Variants in ARHGAP32 observed in about 807,000 individuals in gnomAD.
The protein encoded by ARHGAP32 is Rho GTPase activating protein 32.
Under a neutral mutation model 186.5 loss-of-function variants are expected in ARHGAP32, and 51 were observed. That is an observed-to-expected ratio of 0.27 (90% confidence interval 0.22 to 0.35). The LOEUF is 0.35. Among genes scored for constraint, ARHGAP32 ranks in the 10% least tolerant of loss-of-function variants. ARHGAP32 has a pLI of 1.00. For synonymous variants in ARHGAP32, 950 were observed against 964.3 expected (o/e 0.99, Z 0.27); for missense variants, 2,186 against 2,623.5 (o/e 0.83, Z 3.64).
chr11:129,114,908 T>C (rs1942321949), intron 5 of ARHGAP32, among the ~76,000 whole-genome samples: 1 of 152,156 alleles, frequency 6.6e-6, no homozygotes, highest in Non-Finnish European at 1.5e-5. Context: ...GAAAAGTTCT[T>C]TCTCCATATG....
At chr11:129,018,730 A>G (rs1044547697) in intron 11 of ARHGAP32, among the ~76,000 whole-genome samples, 9 of 152,194 alleles carry the variant, frequency 5.9e-5, no homozygotes, top group Admixed American at 5.2e-4. Context: ...GTGATTCACT[A>G]GAGTAATAAC....
chr11:129,076,445 C>G (rs369590866), intron 6 of ARHGAP32, among the ~76,000 whole-genome samples: 1 of 151,932 alleles, frequency 6.6e-6, no homozygotes, highest in Non-Finnish European at 1.5e-5. Context: ...AGTAATGAGA[C>G]CACAAGGAAT....
intron 1 of ARHGAP32, among the ~76,000 whole-genome samples, chr11:129,213,874 C>T (rs529104324): frequency 4.0e-5 from 6 of 151,750 alleles, no homozygotes; most frequent in Middle Eastern, 3.4e-3. Flanking sequence ...TTTTGTAGGG[C>T]GAAAAGTCAG....
chr11:128,975,133 A>C (rs1945506541), intron 20 of ARHGAP32, 131 bp from the exon 21 acceptor site: 1 of 763,330 alleles, frequency 1.3e-6, no homozygotes, highest in East Asian at 2.7e-5. Context: ...TTTCTTTCTG[A>C]AAATTCTTTC....
chr11:129,259,488 T>C (rs907159091), intron 1 of ARHGAP32, among the ~76,000 whole-genome samples: 1 of 152,050 alleles, frequency 6.6e-6, no homozygotes, highest in African/African-American at 2.4e-5. Context: ...AAAATACTTT[T>C]CCTGTACATT....
At chr11:129,058,266 C>A (rs1940346028) in intron 10 of ARHGAP32, among the ~76,000 whole-genome samples, 1 of 149,788 alleles carries the variant, frequency 6.7e-6, no homozygotes, top group Non-Finnish European at 1.5e-5. Context: ...CATATACAAT[C>A]ATATATATGT....
intron 1 of ARHGAP32, among the ~76,000 whole-genome samples, chr11:129,267,838 G>C (rs1216850595): frequency 2.0e-5 from 3 of 152,176 alleles, no homozygotes; most frequent in African/African-American, 7.2e-5. Context: ...AGGCAAAGGG[G>C]AGCCAGCATG....
rs751801808 is a variant in ARHGAP32, at chr11:128,974,530, A to T, written c.2667T>A (p.Asp889Glu). Residue 889 changes from aspartate to glutamate, a missense_variant, in exon 21 of 23, where the codon GAT becomes GAA. Asp to Glu is a conservative substitution (Grantham distance 45, BLOSUM62 2). Coordinates refer to ENST00000682385, the MANE Select transcript of ARHGAP32 (RefSeq NM_001378024.1). ...FFTLDLSPTE[D>E]KSSKPSSFTE... ...TAAAGGAGGATGGCTTAGATGATTT[A>T]TCTTCAGTTGGGCTCAAGTCCAGGG... is the stretch of plus-strand genomic sequence containing the variant. 1 of 1,614,192 alleles carries T rather than the reference A, an allele frequency of 6.2e-7. No homozygotes were observed. Among genetic ancestry groups the T allele is most frequent in the Non-Finnish European group, 8.5e-7 (1 of 1,180,014 alleles).
intron 5 of ARHGAP32, among the ~76,000 whole-genome samples, chr11:129,121,460 A>G (rs1307213667): frequency 6.6e-6 from 1 of 152,074 alleles, no homozygotes; most frequent in East Asian, 1.9e-4. Context: ...GAGGCAGGAC[A>G]AAACTGGGCA....
At chr11:129,128,622 A>G (rs1591637279) in intron 2 of ARHGAP32, among the ~76,000 whole-genome samples, 1 of 97,234 alleles carries the variant, frequency 1.0e-5, no homozygotes, top group Admixed American at 1.6e-4. Context: ...TGATGCCACC[A>G]AAGTTGTGAA....
At chr11:129,206,274 C>T (rs2323579) in intron 1 of ARHGAP32, among the ~76,000 whole-genome samples, 41,362 of 152,062 alleles carry the variant, frequency 0.27, 6,057 homozygotes, top group Middle Eastern at 0.4. Flanking sequence ...TGCAGCAACA[C>T]GGTCATAACT....
intron 1 of ARHGAP32, among the ~76,000 whole-genome samples, chr11:129,265,864 C>T (rs1945391762): frequency 1.3e-5 from 2 of 152,110 alleles, no homozygotes; most frequent in Non-Finnish European, 2.9e-5. Context: ...ACAAACATTA[C>T]TGTAGTAACT....
chr11:129,032,897 C>A (rs1298844059), intron 11 of ARHGAP32, among the ~76,000 whole-genome samples: 2 of 152,166 alleles, frequency 1.3e-5, no homozygotes, highest in Non-Finnish European at 2.9e-5. Context: ...TACCAGTACT[C>A]CAGAATCCTC....
At chr11:129,056,756 C>G (rs1016326927) in intron 10 of ARHGAP32, among the ~76,000 whole-genome samples, 1 of 152,258 alleles carries the variant, frequency 6.6e-6, no homozygotes. Flanking sequence ...AGCAGAGCTG[C>G]AAATGCAGAC....
chr11:129,225,594 C>A (rs2135623258), intron 1 of ARHGAP32, among the ~76,000 whole-genome samples: 1 of 152,228 alleles, frequency 6.6e-6, no homozygotes, highest in East Asian at 1.9e-4. Flanking sequence ...AGTCACCTAA[C>A]AAATAAAAAA....
intron 1 of ARHGAP32, among the ~76,000 whole-genome samples, chr11:129,225,609 A>G (rs1012997303): frequency 2.0e-5 from 3 of 152,156 alleles, no homozygotes; most frequent in African/African-American, 7.2e-5. Flanking sequence ...AAAAAACAAC[A>G]AACAGCAACA....
intron 11 of ARHGAP32, among the ~76,000 whole-genome samples, chr11:129,028,737 G>C (rs1938971061): frequency 6.6e-6 from 1 of 152,180 alleles, no homozygotes; most frequent in South Asian, 2.1e-4. Context: ...TAGTGGACTA[G>C]TGGTGGAGAG....
At chr11:129,129,124 G>A (rs1208877686) in intron 2 of ARHGAP32, among the ~76,000 whole-genome samples, 3 of 151,246 alleles carry the variant, frequency 2.0e-5, no homozygotes, top group Admixed American at 6.6e-5. Flanking sequence ...CCGCGACCCC[G>A]TCTGGGAACT....
intron 10 of ARHGAP32, among the ~76,000 whole-genome samples, chr11:129,061,758 T>C (rs1280676147): frequency 6.6e-6 from 1 of 152,206 alleles, no homozygotes; most frequent in African/African-American, 2.4e-5. Context: ...CCATTTAATG[T>C]TTTCGAACCT....
Sources: gnomAD v4.1 joint callset for allele counts (sites outside exome capture counted in the v4.1 genomes callset) on GRCh38, gnomAD v4.1.1 for gene constraint, MANE v1.5 for transcripts, NCBI Gene and HGNC (gene_info 2026-07-23, HGNC 2026-07-21) for gene names.